The following UGGT2 variants were observed in gnomAD, a reference collection of about 807,000 sequenced individuals.
The protein encoded by UGGT2 is UDP-glucose glycoprotein glucosyltransferase 2, also known as UDP-glucose:glycoprotein glucosyltransferase 2.
In UGGT2, 180 loss-of-function variants were observed where a neutral mutation model predicts 192.1. That is an observed-to-expected ratio of 0.94 (90% CI 0.83 to 1.06). The LOEUF (loss-of-function observed/expected upper bound fraction) is 1.06, where lower values mean the gene tolerates loss of function less well. UGGT2 is among the 50% of genes least tolerant of loss of function. The pLI is 0.00. For missense variants in UGGT2, 1,849 were observed against 1,795.7 expected (o/e 1.03, Z -0.54); for synonymous variants, 580 against 591.0 (o/e 0.98, Z 0.27).
chr13:95,953,454 T>G (rs774421975), intron 12 of UGGT2, among the ~76,000 whole-genome samples: 37 of 152,342 alleles, frequency 2.4e-4, no homozygotes, highest in Non-Finnish European at 4.6e-4. Context: ...AAGAAGAGCC[T>G]TTTAACTTTG....
At chr13:95,981,735 G>C (rs1279581319) in intron 10 of UGGT2, among the ~76,000 whole-genome samples, 10 of 152,180 alleles carry the variant, frequency 6.6e-5, no homozygotes, top group African/African-American at 2.2e-4. Flanking sequence ...CACATTTCCA[G>C]GGCTTTCTCG....
chr13:95,977,168 A>G (rs1026371462), intron 10 of UGGT2, among the ~76,000 whole-genome samples: 1 of 152,206 alleles, frequency 6.6e-6, no homozygotes, highest in African/African-American at 2.4e-5. Flanking sequence ...AAATACCAAA[A>G]AGCAATTCCA....
chr13:95,898,860 G>A (rs943847414), intron 22 of UGGT2, among the ~76,000 whole-genome samples: 1 of 152,158 alleles, frequency 6.6e-6, no homozygotes, highest in Admixed American at 6.5e-5. Flanking sequence ...AAGTATGAGA[G>A]AATAAATTTC....
At chr13:95,951,206 G>A (rs1000020529) in intron 12 of UGGT2, among the ~76,000 whole-genome samples, 1 of 151,862 alleles carries the variant, frequency 6.6e-6, no homozygotes, top group Non-Finnish European at 1.5e-5. Flanking sequence ...AAGGCATGAA[G>A]ACAAATCAAT....
intron 4 of UGGT2, among the ~76,000 whole-genome samples, chr13:96,016,447 G>T (rs2052340004): frequency 6.6e-6 from 1 of 152,210 alleles, no homozygotes; most frequent in Non-Finnish European, 1.5e-5. Flanking sequence ...CATGCCAGCA[G>T]GTTGCAACTT....
chr13:95,847,591 T>C (rs1256455174), intron 36 of UGGT2, among the ~76,000 whole-genome samples: 1 of 152,234 alleles, frequency 6.6e-6, no homozygotes, highest in East Asian at 1.9e-4. Context: ...TTCACTTAGT[T>C]ATTATACATT....
intron 24 of UGGT2, among the ~76,000 whole-genome samples, chr13:95,893,408 G>A (rs1429339200): frequency 1.3e-5 from 2 of 152,046 alleles, no homozygotes; most frequent in African/African-American, 4.8e-5. Context: ...TGTGATTTTA[G>A]AAGTAAATGC....
At chr13:95,990,444 G>T (rs2051421614) in intron 7 of UGGT2, 1 of 152,614 alleles carries the variant, frequency 6.6e-6, no homozygotes, top group African/African-American at 2.4e-5. Flanking sequence ...TATAAGGAAA[G>T]TCAAAAATGC....
intron 4 of UGGT2, among the ~76,000 whole-genome samples, chr13:96,018,054 T>C (rs929024023): frequency 6.6e-6 from 1 of 152,218 alleles, no homozygotes; most frequent in African/African-American, 2.4e-5. Context: ...ATAAAACCTA[T>C]GCTGTTCAAC....
Position 95,835,504 on chromosome 13 carries a change from T to G in UGGT2, c.4401+1582A>C, listed in dbSNP as rs546839834. On this transcript the variant is annotated intron_variant, in intron 37 of 38. Transcript: ENST00000376747. Reference sequence around the variant, plus strand: ...TGCTTACCTCTTAAAAATGCCTTTTTATTTGTTTCTGCTATATTCTACCAA... The same window carrying G: ...TGCTTACCTCTTAAAAATGCCTTTTGATTTGTTTCTGCTATATTCTACCAA... Among the ~76,000 whole-genome samples, 43 of 152,338 alleles carry G rather than the reference T, an allele frequency of 2.8e-4. No individual in the cohort carries two copies. In the South Asian group the frequency reaches 7.7e-3, roughly 27 times the overall value.
chr13:95,849,129 C>T (rs1245544709), intron 36 of UGGT2, among the ~76,000 whole-genome samples: 2 of 151,920 alleles, frequency 1.3e-5, no homozygotes, highest in Non-Finnish European at 2.9e-5. Context: ...ATTCTTAAAT[C>T]TACATCAGGC....
At chr13:96,030,001 C>G (rs2052785041) in intron 2 of UGGT2, among the ~76,000 whole-genome samples, 1 of 152,086 alleles carries the variant, frequency 6.6e-6, no homozygotes, top group South Asian at 2.1e-4. Flanking sequence ...CTACTTTTAC[C>G]TCAATCACCA....
chr13:95,999,251 C>CT lies in UGGT2; in HGVS notation c.716dup (p.Ser240GlufsTer9), dbSNP rs1420742212. The CT allele has an allele frequency of 2.2e-5, 36 of 1,613,538 alleles. No homozygotes were observed. The highest frequency in any genetic ancestry group is 3.1e-5 in the Non-Finnish European group (36 of 1,179,746). On this transcript the variant is annotated frameshift_variant, in exon 6 of 39. Coordinates refer to ENST00000376747, the MANE Select transcript of UGGT2 (RefSeq NM_020121.4). LOFTEE classifies it high-confidence loss of function. Reference sequence around the variant, plus strand: ...CATCCAGTGCTTTGTATTCTGTACTCTTAATTGCTAGCTCCACACCATACC... The same window carrying CT: ...CATCCAGTGCTTTGTATTCTGTACTCTTTAATTGCTAGCTCCACACCATACC...
intron 34 of UGGT2, among the ~76,000 whole-genome samples, chr13:95,855,303 A>G (rs534907940): frequency 6.6e-6 from 1 of 151,840 alleles, no homozygotes; most frequent in Admixed American, 6.6e-5. Context: ...AAATTGAAAT[A>G]TACTTTTTGT....
chr13:96,037,261 C>T (rs111600249), intron 1 of UGGT2, among the ~76,000 whole-genome samples: 4,548 of 152,294 alleles, frequency 0.03, 123 homozygotes, highest in Non-Finnish European at 0.046. Flanking sequence ...TGCAGTGGTG[C>T]GATCTTGACT....
At chr13:96,031,006 A>C (rs1052814544) in intron 2 of UGGT2, among the ~76,000 whole-genome samples, 2 of 152,188 alleles carry the variant, frequency 1.3e-5, no homozygotes, top group Non-Finnish European at 2.9e-5. Flanking sequence ...AACCCATAGA[A>C]CGTATAACAG....
intron 29 of UGGT2, among the ~76,000 whole-genome samples, chr13:95,868,409 A>AACACAGTGAGGCCTGGGCAAC (rs34860066): frequency 6.6e-6 from 1 of 151,802 alleles, no homozygotes; most frequent in African/African-American, 2.4e-5. Flanking sequence ...CAGCCTGGGC[A>AACACAGTGAGGCCTGGGCAAC]ACAGTGAGAC....
At chr13:95,900,658 AT>A in intron 22 of UGGT2, 148 bp downstream of exon 22, 1 of 713,588 alleles carries the variant, frequency 1.4e-6, no homozygotes, top group Non-Finnish European at 2.1e-6. Context: ...ACCCCATTTT[AT>A]TTATGCTGAG....
chr13:95,964,292 T>C lies in UGGT2; in HGVS notation c.1335+5820A>G, dbSNP rs576881413. 1.1e-3 allele frequency among the ~76,000 whole-genome samples: 162 copies of C among 152,186 alleles called. 1 individual carries two copies. The highest frequency in any genetic ancestry group is 3.8e-3 in the African/African-American group (156 of 41,538). ...GCAGAATAATGAAGCTAGACCACCA[T>C]CACTTACCATGTACAGAAATCAACT... On this transcript the variant is annotated intron_variant, in intron 12 of 38. Coordinates refer to ENST00000376747, the MANE Select transcript of UGGT2 (RefSeq NM_020121.4).
Sources: gnomAD v4.1 joint callset for allele counts (sites outside exome capture counted in the v4.1 genomes callset) on GRCh38, gnomAD v4.1.1 for gene constraint, MANE v1.5 for transcripts, NCBI Gene and HGNC (gene_info 2026-07-23, HGNC 2026-07-21) for gene names.